The following FAM107B variants were observed in gnomAD, a reference collection of about 807,000 sequenced individuals.
The protein encoded by FAM107B is protein FAM107B.
FAM107B carries 21 observed loss-of-function variants against 31.5 expected under a neutral mutation model. That is an observed-to-expected ratio of 0.67 (90% confidence interval 0.47 to 0.96). The LOEUF (loss-of-function observed/expected upper bound fraction) is 0.96. Among genes scored for constraint, FAM107B ranks in the 40% least tolerant of loss-of-function variants. FAM107B has a pLI of 0.00. For synonymous variants in FAM107B, 157 were observed against 141.5 expected (o/e 1.11, Z -0.78); for missense variants, 452 against 377.1 (o/e 1.20, Z -1.64).
chr10:14,626,711 G>T (rs1018002011), intron 2 of FAM107B, among the ~76,000 whole-genome samples: 1 of 152,054 alleles, frequency 6.6e-6, no homozygotes, highest in Non-Finnish European at 1.5e-5. Flanking sequence ...CACCGTGTTA[G>T]CCAGGATGGT....
At chr10:14,668,185 G>T (rs1358213982) in intron 1 of FAM107B, among the ~76,000 whole-genome samples, 1 of 152,042 alleles carries the variant, frequency 6.6e-6, no homozygotes, top group African/African-American at 2.4e-5. Flanking sequence ...AGGATTACAG[G>T]CATGCACCAC....
intron 1 of FAM107B, among the ~76,000 whole-genome samples, chr10:14,698,757 A>ACAAATTAGAAGACGTTG (rs1229585762): frequency 6.6e-6 from 1 of 152,226 alleles, no homozygotes; most frequent in Non-Finnish European, 1.5e-5. Flanking sequence ...TCAGGGAATG[A>ACAAATTAGAAGACGTTG]CAAATTAGAA....
At chr10:14,536,159 A>G (rs1355786607) in intron 2 of FAM107B, among the ~76,000 whole-genome samples, 1 of 152,268 alleles carries the variant, frequency 6.6e-6, no homozygotes, top group Admixed American at 6.5e-5. Context: ...TTTAAAAATC[A>G]GAATTTACAG....
At chr10:14,551,251 G>A (rs1283147787) in intron 2 of FAM107B, among the ~76,000 whole-genome samples, 4 of 152,038 alleles carry the variant, frequency 2.6e-5, no homozygotes, top group African/African-American at 7.3e-5. Context: ...AGTTTTAAGC[G>A]ATTCTCCTGC....
At chr10:14,645,996 T>C (rs1175110773) in intron 2 of FAM107B, among the ~76,000 whole-genome samples, 1 of 152,060 alleles carries the variant, frequency 6.6e-6, no homozygotes, top group Non-Finnish European at 1.5e-5. Context: ...ACTTCTCAGC[T>C]CTCCTCCCTC....
chr10:14,772,833 C>T (rs1833337746), intron 1 of FAM107B, among the ~76,000 whole-genome samples: 3 of 152,120 alleles, frequency 2.0e-5, no homozygotes, highest in Admixed American at 6.5e-5. Context: ...GTCCCTGAGT[C>T]CCATGTGCAA....
intron 2 of FAM107B, chr10:14,612,350 G>C (rs896548225): frequency 1.3e-5 from 2 of 152,230 alleles, no homozygotes; most frequent in African/African-American, 4.8e-5. Context: ...TAAGGAAAAA[G>C]AGAGAATGAA....
chr10:14,652,385 T>A (rs146313177), intron 2 of FAM107B, among the ~76,000 whole-genome samples: 30 of 152,274 alleles, frequency 2.0e-4, no homozygotes, highest in South Asian at 6.2e-4. Context: ...AATTCTCAAC[T>A]CTGTCCAGAT....
chr10:14,749,865 G>A (rs535406710), intron 1 of FAM107B, among the ~76,000 whole-genome samples: 184 of 152,284 alleles, frequency 1.2e-3, no homozygotes, highest in African/African-American at 3.5e-3. Flanking sequence ...CCACTAGCAC[G>A]TCCACAAAGA....
intron 2 of FAM107B, among the ~76,000 whole-genome samples, chr10:14,565,922 A>G (rs57508179): frequency 0.019 from 2,934 of 152,246 alleles, 96 homozygotes; most frequent in African/African-American, 0.067. Context: ...CTGAGAGGCC[A>G]AGCAGGAACA....
intron 1 of FAM107B, among the ~76,000 whole-genome samples, chr10:14,669,100 G>A (rs1854477874): frequency 1.3e-5 from 2 of 152,286 alleles, no homozygotes; most frequent in South Asian, 4.1e-4. Flanking sequence ...AGTTGTGGTG[G>A]CTGACACCTG....
At chr10:14,620,210 G>C (rs1485636712) in intron 2 of FAM107B, among the ~76,000 whole-genome samples, 2 of 151,864 alleles carry the variant, frequency 1.3e-5, no homozygotes, top group South Asian at 2.1e-4. Context: ...GTAGAGACGG[G>C]GTTTCACCAT....
chr10:14,589,565 A>C (rs1851951398), intron 2 of FAM107B, among the ~76,000 whole-genome samples: 1 of 152,204 alleles, frequency 6.6e-6, no homozygotes, highest in South Asian at 2.1e-4. Flanking sequence ...AATTTTAAAC[A>C]GTAATAATAA....
At chr10:14,596,079 T>G (rs1364188961) in intron 2 of FAM107B, among the ~76,000 whole-genome samples, 1 of 152,230 alleles carries the variant, frequency 6.6e-6, no homozygotes, top group African/African-American at 2.4e-5. Context: ...CCCTGGCCGC[T>G]GGCTCCTCCC....
chr10:14,631,433 A>C (rs1853351956), intron 2 of FAM107B, among the ~76,000 whole-genome samples: 1 of 152,240 alleles, frequency 6.6e-6, no homozygotes, highest in Non-Finnish European at 1.5e-5. Flanking sequence ...CCAGTGTATA[A>C]ATTCTACAGC....
chr10:14,635,083 C>G (rs1304669904), intron 2 of FAM107B, among the ~76,000 whole-genome samples: 2 of 141,604 alleles, frequency 1.4e-5, no homozygotes, highest in Non-Finnish European at 3.0e-5. Context: ...AGAGAGAGAA[C>G]CTATCTCCAA....
chr10:14,565,434 G>A (rs1205335390), intron 2 of FAM107B, among the ~76,000 whole-genome samples: 8 of 152,160 alleles, frequency 5.3e-5, no homozygotes, highest in Non-Finnish European at 8.8e-5. Context: ...CAAGCCTGGG[G>A]TTAGCACACA....
chr10:14,673,118 A>G (rs1854599744), intron 1 of FAM107B, among the ~76,000 whole-genome samples: 1 of 152,240 alleles, frequency 6.6e-6, no homozygotes, highest in African/African-American at 2.4e-5. Flanking sequence ...TCAAACATCC[A>G]TCATTTCTTT....
intron 1 of FAM107B, among the ~76,000 whole-genome samples, chr10:14,696,659 T>C (rs1476010449): frequency 2.0e-5 from 3 of 152,186 alleles, no homozygotes; most frequent in Non-Finnish European, 4.4e-5. Flanking sequence ...GAGGTTTCGA[T>C]TACTTCTTCA....
Sources: gnomAD v4.1 joint callset for allele counts (sites outside exome capture counted in the v4.1 genomes callset) on GRCh38, gnomAD v4.1.1 for gene constraint, MANE v1.5 for transcripts, NCBI Gene and HGNC (gene_info 2026-07-23, HGNC 2026-07-21) for gene names.